Variants in LRFN5 observed in about 807,000 individuals in gnomAD.
The protein encoded by LRFN5 is leucine rich repeat and fibronectin type III domain containing 5, also known as leucine-rich repeat and fibronectin type-III domain-containing protein 5.
A neutral mutation model predicts 45.6 loss-of-function variants in LRFN5; 24 were observed. The observed-to-expected ratio is 0.53, with a 90% CI of 0.38 to 0.74. The LOEUF is 0.74. LRFN5 is among the 30% of genes least tolerant of loss of function. The probability of loss-of-function intolerance (pLI) is 0.00; values close to 1 mark genes in which losing one functional copy is unlikely to be tolerated. For synonymous variants in LRFN5, 340 were observed against 313.8 expected, an observed-to-expected ratio of 1.08 and a Z score of -0.88; for missense variants, 776 against 861.5, an observed-to-expected ratio of 0.90 and a Z score of 1.24.
chr14:41,644,927 A>G (rs1879742669), intron 1 of LRFN5, among the ~76,000 whole-genome samples: 1 of 152,132 alleles, frequency 6.6e-6, no homozygotes, highest in African/African-American at 2.4e-5. Context: ...AAATTAAAAC[A>G]TGGTTTCTTT....
At chr14:41,760,970 G>A (rs542861505) in intron 1 of LRFN5, among the ~76,000 whole-genome samples, 1 of 152,196 alleles carries the variant, frequency 6.6e-6, no homozygotes, top group Non-Finnish European at 1.5e-5. Flanking sequence ...ATAAAGATTT[G>A]CCACCTCCTC....
chr14:41,734,029 C>CTTT (rs58623215), intron 1 of LRFN5, among the ~76,000 whole-genome samples: 23 of 123,834 alleles, frequency 1.9e-4, no homozygotes, highest in East Asian at 4.6e-4. Context: ...CTTTTCTTTT[C>CTTT]TTTTTTTTTT....
At position 41,904,244 on chromosome 14, in the gene LRFN5, A is replaced by C; in HGVS notation, c.*69A>C. 6.4e-7 allele frequency: 1 copy of C among 1,564,222 alleles called. No homozygotes were observed. The highest frequency in any genetic ancestry group is 2.2e-5 in the East Asian group (1 of 44,592). ...ATATTTTTACTGGATAAAATTCAAA[A>C]ATGTTTCAATTCACAAAGGCTAATT... is the stretch of plus-strand genomic sequence containing the variant. On this transcript the variant is annotated 3_prime_UTR_variant, in exon 6 of 6. Transcript: ENST00000298119.
At chr14:41,688,271 CAAT>C (rs1196320323) in intron 1 of LRFN5, among the ~76,000 whole-genome samples, 1 of 151,782 alleles carries the variant, frequency 6.6e-6, no homozygotes, top group African/African-American at 2.4e-5. Flanking sequence ...TGACTATAGT[CAAT>C]AATAATTTAT....
chr14:41,858,531 C>T (rs1380454378), intron 2 of LRFN5, among the ~76,000 whole-genome samples: 1 of 151,186 alleles, frequency 6.6e-6, no homozygotes, highest in African/African-American at 2.4e-5. Flanking sequence ...CTTATTTTTT[C>T]TCTTTTGGGA....
chr14:41,891,475 T>C lies in LRFN5; in HGVS notation c.1611T>C (p.Ile537=). The C allele has an allele frequency of 6.2e-7, 1 of 1,614,154 alleles. No individual in the cohort carries two copies. The highest frequency in any genetic ancestry group is 8.5e-7 in the Non-Finnish European group (1 of 1,180,026). ...TGATTATTATTATTGGTGGAATCAT[T>C]GTAGCATCTGTGCTGGTATTCATCA... ...GTMIIIIGGI[I]VASVLVFIII... is the part of the protein sequence containing the mutation. The change falls in exon 4 of 6, where the codon ATT becomes ATC. Residue 537 remains isoleucine (I), a synonymous_variant. Coordinates refer to ENST00000298119, the MANE Select transcript of LRFN5 (RefSeq NM_152447.5).
intron 1 of LRFN5, among the ~76,000 whole-genome samples, chr14:41,662,562 A>C (rs1880704272): frequency 1.3e-5 from 2 of 152,020 alleles, no homozygotes; most frequent in African/African-American, 4.8e-5. Context: ...GCAAGACAGG[A>C]GGATAATTAA....
At position 41,891,258 on chromosome 14, in the gene LRFN5, C is replaced by T. The variant is rs767752963; in HGVS notation, c.1394C>T (p.Pro465Leu). 1.4e-5 allele frequency: 23 copies of T among 1,612,680 alleles called. No homozygotes were observed. The highest frequency in any genetic ancestry group is 2.2e-5 in the South Asian group (2 of 90,938). Residue 465 changes from proline to leucine, a missense_variant, in exon 4 of 6, where the codon CCT (proline) becomes CTT (leucine). Physicochemically the swap from Pro to Leu is moderately conservative, Grantham distance 98 (BLOSUM62 -3). Around this residue, in one of 2 missense-constraint regions of LRFN5, gnomAD observed 465 missense variants for 456.4 expected, o/e 1.02. Coordinates refer to ENST00000298119, the MANE Select transcript of LRFN5 (RefSeq NM_152447.5). ...YDDTLVYRMI[P>L]PTSKTFLVNN... ...ATTCCATTGTCCCTCAGAATGATACCTCCTACGAGCAAAACTTTTCTGGTC... is the reference window on the plus strand; with the variant it reads ...ATTCCATTGTCCCTCAGAATGATACTTCCTACGAGCAAAACTTTTCTGGTC...
At chr14:41,803,596 C>T (rs948411041) in intron 2 of LRFN5, among the ~76,000 whole-genome samples, 2 of 151,916 alleles carry the variant, frequency 1.3e-5, no homozygotes, top group Non-Finnish European at 2.9e-5. Flanking sequence ...ATTTTCCTGC[C>T]TGGGTCTCTC....
chr14:41,856,167 T>C (rs1889444549), intron 2 of LRFN5, among the ~76,000 whole-genome samples: 1 of 152,178 alleles, frequency 6.6e-6, no homozygotes, highest in Non-Finnish European at 1.5e-5. Flanking sequence ...TTTCAGCAAA[T>C]ATAGCAAATG....
chr14:41,846,443 A>T (rs1164067226), intron 2 of LRFN5, among the ~76,000 whole-genome samples: 2 of 152,190 alleles, frequency 1.3e-5, no homozygotes, highest in Admixed American at 6.6e-5. Context: ...AAAACAATAC[A>T]GCAGGGATTA....
intron 1 of LRFN5, among the ~76,000 whole-genome samples, chr14:41,706,438 T>A (rs527636510): frequency 3.5e-4 from 54 of 152,308 alleles, no homozygotes; most frequent in African/African-American, 8.2e-4. Flanking sequence ...GTGCTTTTTT[T>A]AAAATTTTTT....
intron 1 of LRFN5, among the ~76,000 whole-genome samples, chr14:41,721,632 AATGGTGGTAT>A (rs1883717559): frequency 6.6e-6 from 1 of 152,102 alleles, no homozygotes; most frequent in Admixed American, 6.6e-5. Flanking sequence ...ATGAAGCTTA[AATGGTGGTAT>A]ATGATATTCT....
chr14:41,673,326 CGGCTGGCCGGGCGGGG>C (rs567421647), intron 1 of LRFN5, among the ~76,000 whole-genome samples: 3,250 of 150,968 alleles, frequency 0.022, 108 homozygotes, highest in Admixed American at 0.066. Flanking sequence ...CGGGACGAGG[CGGCTGGCCGGGCGGGG>C]GGCTGACCCC....
At chr14:41,695,768 C>T (rs886986073) in intron 1 of LRFN5, among the ~76,000 whole-genome samples, 4 of 151,982 alleles carry the variant, frequency 2.6e-5, no homozygotes, top group African/African-American at 9.7e-5. Flanking sequence ...ACAGTATTAC[C>T]TAGTCACCCA....
chr14:41,856,694 T>TTTTTTTTTTTTTTTTTTC (rs1353113346), intron 2 of LRFN5, among the ~76,000 whole-genome samples: 1 of 122,332 alleles, frequency 8.2e-6, no homozygotes, highest in African/African-American at 3.0e-5. Flanking sequence ...TTTTTTTTTT[T>TTTTTTTTTTTTTTTTTTC]GAGACGGAGT....
chr14:41,722,703 G>T (rs1484239607), intron 1 of LRFN5, among the ~76,000 whole-genome samples: 1 of 152,132 alleles, frequency 6.6e-6, no homozygotes, highest in South Asian at 2.1e-4. Flanking sequence ...GGGCTGTGCA[G>T]TTCATCCTAC....
At chr14:41,690,910 A>G (rs1201583578) in intron 1 of LRFN5, among the ~76,000 whole-genome samples, 2 of 151,910 alleles carry the variant, frequency 1.3e-5, no homozygotes, top group Non-Finnish European at 2.9e-5. Flanking sequence ...ATTTTGTGTG[A>G]ACTCTTGTTT....
chr14:41,783,853 ATAGAGGTTC>A (rs1202826787), intron 2 of LRFN5, among the ~76,000 whole-genome samples: 1 of 152,078 alleles, frequency 6.6e-6, no homozygotes, highest in Non-Finnish European at 1.5e-5. Context: ...TTTTTGATTA[ATAGAGGTTC>A]TTACTTTTAA....
Sources: gnomAD v4.1 joint callset for allele counts (sites outside exome capture counted in the v4.1 genomes callset) on GRCh38, gnomAD v4.1.1 for gene constraint, gnomAD v4.1.1 regional missense constraint, MANE v1.5 for transcripts, NCBI Gene and HGNC (gene_info 2026-07-23, HGNC 2026-07-21) for gene names.